Variants in ARHGEF26 observed in about 807,000 individuals in gnomAD.
ARHGEF26 encodes the protein Rho guanine nucleotide exchange factor (GEF) 26.
A neutral mutation model predicts 89.4 loss-of-function variants in ARHGEF26; 59 were observed. That is an observed-to-expected ratio of 0.66 (90% CI 0.54 to 0.82). The LOEUF (loss-of-function observed/expected upper bound fraction) is 0.82. Among genes scored for constraint, ARHGEF26 ranks in the 40% least tolerant of loss-of-function variants. The probability of loss-of-function intolerance (pLI) is 0.00; values close to 1 mark genes in which losing one functional copy is unlikely to be tolerated. For synonymous variants in ARHGEF26, 500 were observed against 428.4 expected (o/e 1.17, Z -2.06); for missense variants, 1,234 against 1,085.6 (o/e 1.14, Z -1.92).
chr3:154,158,733 G>C (rs1711508944), intron 6 of ARHGEF26, among the ~76,000 whole-genome samples: 1 of 151,962 alleles, frequency 6.6e-6, no homozygotes, highest in Non-Finnish European at 1.5e-5. Flanking sequence ...AAATGAATAG[G>C]CTTAATTCAT....
chr3:154,225,666 T>A, intron 10 of ARHGEF26, 190 bp from the exon 11 acceptor site: 1 of 459,176 alleles, frequency 2.2e-6, no homozygotes, highest in Middle Eastern at 5.1e-4. Context: ...AGATATATTG[T>A]TCTTTTTCAT....
At chr3:154,202,042 C>A (rs1385712012) in intron 9 of ARHGEF26, among the ~76,000 whole-genome samples, 3 of 152,076 alleles carry the variant, frequency 2.0e-5, no homozygotes, top group Non-Finnish European at 4.4e-5. Context: ...GCTTTTGTTG[C>A]CATTTGTTTT....
At chr3:154,134,193 T>G (rs1018689221) in intron 4 of ARHGEF26, among the ~76,000 whole-genome samples, 3 of 152,212 alleles carry the variant, frequency 2.0e-5, no homozygotes, top group African/African-American at 7.2e-5. Flanking sequence ...TCTTTCTTTC[T>G]TCCTTTCTTT....
intron 4 of ARHGEF26, among the ~76,000 whole-genome samples, chr3:154,147,428 G>A (rs548833787): frequency 2.6e-5 from 4 of 152,088 alleles, no homozygotes; most frequent in Admixed American, 6.5e-5. Flanking sequence ...AAATAAATAC[G>A]AAAAAGGAGC....
At chr3:154,188,982 T>G (rs1713769183) in intron 7 of ARHGEF26, among the ~76,000 whole-genome samples, 1 of 152,150 alleles carries the variant, frequency 6.6e-6, no homozygotes, top group Non-Finnish European at 1.5e-5. Flanking sequence ...CATCCCTGGC[T>G]TCCATCTGCT....
chr3:154,245,443 C>A (rs1717748036), intron 12 of ARHGEF26, among the ~76,000 whole-genome samples: 2 of 152,196 alleles, frequency 1.3e-5, no homozygotes, highest in Admixed American at 6.5e-5. Flanking sequence ...ATTGCATCCC[C>A]AAAATTATTT....
Position 154,152,826 on chromosome 3 carries a change from T to A in ARHGEF26, c.1381T>A (p.Leu461Met), listed in dbSNP as rs1720101998. Reference sequence around the variant, plus strand: ...TTCATATTTACTCAGCTTGGAGATCTTGATACGAATGTTTAAAAATTCTAA... The same window carrying A: ...TTCATATTTACTCAGCTTGGAGATCATGATACGAATGTTTAAAAATTCTAA... Reference protein sequence around the residue: ...EHSYLLSLEILIRMFKNSKEL... With the variant: ...EHSYLLSLEIMIRMFKNSKEL... Residue 461 changes from leucine to methionine, a missense_variant, in exon 6 of 15, where the codon TTG becomes ATG. Physicochemically the swap from Leu to Met is conservative, Grantham distance 15. Coordinates refer to ENST00000465093, the MANE Select transcript of ARHGEF26 (RefSeq NM_015595.4). 5.1e-6 allele frequency: 8 copies of A among 1,570,764 alleles called. No homozygotes were observed. Among genetic ancestry groups the A allele is most frequent in the Non-Finnish European group, 6.9e-6 (8 of 1,156,846 alleles).
At chr3:154,222,293 T>TA (rs1304417102) in intron 10 of ARHGEF26, among the ~76,000 whole-genome samples, 1 of 152,190 alleles carries the variant, frequency 6.6e-6, no homozygotes, top group African/African-American at 2.4e-5. Context: ...TAATTTTGCT[T>TA]ATGATTTTCT....
At chr3:154,242,438 G>T (rs1051055798) in intron 12 of ARHGEF26, among the ~76,000 whole-genome samples, 1 of 152,148 alleles carries the variant, frequency 6.6e-6, no homozygotes, top group East Asian at 1.9e-4. Context: ...TGGAAATAGC[G>T]AGAGAACTAG....
intron 6 of ARHGEF26, among the ~76,000 whole-genome samples, chr3:154,186,886 CTTTTTTTTTTTTTT>C (rs201150057): frequency 5.4e-4 from 44 of 82,078 alleles, no homozygotes; most frequent in African/African-American, 1.7e-3. Flanking sequence ...TTATTTCAGA[CTTTTTTTTTTTTTT>C]TTTTTTTTTT....
chr3:154,142,009 G>A (rs1036198094), intron 4 of ARHGEF26, among the ~76,000 whole-genome samples: 2 of 152,130 alleles, frequency 1.3e-5, no homozygotes, highest in African/African-American at 4.8e-5. Context: ...TAGAGCAGAA[G>A]ACAATAGAAA....
chr3:154,220,339 T>C (rs1716049566), intron 10 of ARHGEF26, among the ~76,000 whole-genome samples: 1 of 152,094 alleles, frequency 6.6e-6, no homozygotes, highest in African/African-American at 2.4e-5. Flanking sequence ...GTCAGCAAAG[T>C]CTACAGCTGT....
chr3:154,173,811 A>G (rs967403933), intron 6 of ARHGEF26, among the ~76,000 whole-genome samples: 16 of 152,330 alleles, frequency 1.1e-4, no homozygotes, highest in African/African-American at 3.4e-4. Flanking sequence ...AAACAAGAGC[A>G]GAAGTTTAAT....
intron 6 of ARHGEF26, 121 bp downstream of exon 6, chr3:154,153,053 A>T: frequency 1.1e-6 from 1 of 871,742 alleles, no homozygotes; most frequent in African/African-American, 1.8e-5. Flanking sequence ...TTTTGTCTTG[A>T]TTCCTTGAAA....
At chr3:154,254,161 T>C (rs988861778) in intron 13 of ARHGEF26, among the ~76,000 whole-genome samples, 3 of 152,144 alleles carry the variant, frequency 2.0e-5, no homozygotes, top group African/African-American at 7.2e-5. Context: ...GTGATCCGCC[T>C]GCCTCGGCCT....
At chr3:154,220,347 T>C (rs1262388604) in intron 10 of ARHGEF26, among the ~76,000 whole-genome samples, 5 of 152,140 alleles carry the variant, frequency 3.3e-5, no homozygotes, top group Admixed American at 3.3e-4. Context: ...AGTCTACAGC[T>C]GTCACAGTAG....
intron 12 of ARHGEF26, among the ~76,000 whole-genome samples, chr3:154,250,407 TTGA>T (rs772131648): frequency 2.8e-4 from 42 of 152,250 alleles, no homozygotes; most frequent in Non-Finnish European, 4.7e-4. Flanking sequence ...ACTCACTCAA[TTGA>T]AAGTCTCAAA....
chr3:154,187,551 A>T (rs890585148), intron 6 of ARHGEF26, 134 bp from the exon 7 acceptor site: 5 of 646,834 alleles, frequency 7.7e-6, no homozygotes, highest in East Asian at 3.0e-5. Flanking sequence ...TATAGATTTT[A>T]AAAATATTTT....
At chr3:154,245,732 C>T (rs531692626) in intron 12 of ARHGEF26, among the ~76,000 whole-genome samples, 1 of 152,274 alleles carries the variant, frequency 6.6e-6, no homozygotes, top group African/African-American at 2.4e-5. Flanking sequence ...CCTGCTACAT[C>T]CTTCCTTTCC....
Sources: allele counts gnomAD v4.1 joint callset (sites outside exome capture counted in the v4.1 genomes callset), GRCh38; gene constraint gnomAD v4.1.1; transcripts MANE v1.5; gene names NCBI Gene and HGNC (gene_info 2026-07-23, HGNC 2026-07-21).